The following PLCG2 variants were observed in gnomAD, a reference collection of about 807,000 sequenced individuals.
PLCG2 encodes the protein 1-phosphatidylinositol 4,5-bisphosphate phosphodiesterase gamma-2.
PLCG2 carries 69 observed loss-of-function variants against 175.6 expected under a neutral mutation model. That is an observed-to-expected ratio of 0.39 (90% confidence interval 0.32 to 0.48). The LOEUF (loss-of-function observed/expected upper bound fraction) is 0.48, where lower values mean the gene tolerates loss of function less well. PLCG2 is among the 20% of genes least tolerant of loss of function. The pLI is 0.91. For synonymous variants in PLCG2, 827 were observed against 624.0 expected (o/e 1.33, Z -4.85); for missense variants, 1,798 against 1,650.9 (o/e 1.09, Z -1.54).
chr16:81,750,970 GCT>G (rs1491120343), intron 1 of PLCG2, among the ~76,000 whole-genome samples: 4 of 102,500 alleles, frequency 3.9e-5, no homozygotes, highest in Non-Finnish European at 7.5e-5. Context: ...ACCGCACCCA[GCT>G]TTTTTTTTTT....
chr16:81,779,579 C>T (rs1344748393), intron 1 of PLCG2, among the ~76,000 whole-genome samples, 155 bp downstream of exon 1: 1 of 151,942 alleles, frequency 6.6e-6, no homozygotes, highest in African/African-American at 2.4e-5. Context: ...CCCGGCCCGC[C>T]GTGCCCGGGG....
At chr16:81,839,827 G>C (rs1360010682) in intron 2 of PLCG2, among the ~76,000 whole-genome samples, 19 of 152,180 alleles carry the variant, frequency 1.2e-4, no homozygotes, top group Admixed American at 1.2e-3. Flanking sequence ...AAAATGGGAG[G>C]ATCACTTGAG....
chr16:81,849,639 C>T lies in PLCG2; in HGVS notation c.194-4805C>T, dbSNP rs139782584. On this transcript the variant is annotated intron_variant, in intron 2 of 32. Coordinates refer to ENST00000564138, the MANE Select transcript of PLCG2 (RefSeq NM_002661.5). The stretch of plus-strand genomic sequence containing the variant: ...CACACAAATTTTCCAGGTCTGGTGG[C>T]GGATGCCTGTAATCCCAGCTACTCG... Among the ~76,000 whole-genome samples, 59 of 151,984 alleles carry T rather than the reference C, an allele frequency of 3.9e-4. No individual in the cohort carries two copies. The East Asian group carries it at 8.6e-3, about 22-fold the overall frequency.
intron 31 of PLCG2, 131 bp downstream of exon 31, chr16:81,946,394 A>G (rs1911151300): frequency 1.5e-6 from 1 of 675,322 alleles, no homozygotes; most frequent in Non-Finnish European, 2.7e-6. Flanking sequence ...ATGAGACATC[A>G]TACAAGAATT....
chr16:81,861,874 A>G (rs1906998166), intron 5 of PLCG2, among the ~76,000 whole-genome samples: 1 of 152,156 alleles, frequency 6.6e-6, no homozygotes, highest in Non-Finnish European at 1.5e-5. Flanking sequence ...TCCTGCATAG[A>G]GATCCATCTT....
chr16:81,782,529 G>C (rs1910785649), intron 1 of PLCG2, among the ~76,000 whole-genome samples: 1 of 152,218 alleles, frequency 6.6e-6, no homozygotes, highest in Non-Finnish European at 1.5e-5. Context: ...GACCTGAGCT[G>C]GGTGCTGGCA....
At chr16:81,797,049 CAT>C (rs1242873378) in intron 2 of PLCG2, among the ~76,000 whole-genome samples, 1 of 152,170 alleles carries the variant, frequency 6.6e-6, no homozygotes, top group Non-Finnish European at 1.5e-5. Flanking sequence ...TTCCACGTGT[CAT>C]GTTATTTTCT....
At chr16:81,876,136 C>A (rs947353836) in intron 7 of PLCG2, among the ~76,000 whole-genome samples, 1 of 149,948 alleles carries the variant, frequency 6.7e-6, no homozygotes, top group Non-Finnish European at 1.5e-5. Flanking sequence ...GATGATTCTC[C>A]CACCTCAGCC....
chr16:81,919,531 A>T lies in PLCG2; in HGVS notation c.2102A>T (p.His701Leu). ...KHCRINRDGR[H>L]FVLGTSAYFE... is the part of the protein sequence containing the mutation. ...TGTCGCATCAACCGGGACGGCCGGC[A>T]CTTTGTGCTGGGGACCTCCGCCTAT... Residue 701 changes from histidine to leucine, a missense_variant, in exon 20 of 33, where the codon CAC becomes CTC. Physicochemically the swap from His to Leu is moderately conservative, Grantham distance 99. Coordinates refer to ENST00000564138, the MANE Select transcript of PLCG2 (RefSeq NM_002661.5). 1 of 1,614,120 alleles carries T rather than the reference A, an allele frequency of 6.2e-7. No homozygotes were observed. The highest frequency in any genetic ancestry group is 8.5e-7 in the Non-Finnish European group (1 of 1,180,026).
At chr16:81,940,459 G>GGC (rs1555522914) in intron 30 of PLCG2, among the ~76,000 whole-genome samples, 3 of 151,770 alleles carry the variant, frequency 2.0e-5, no homozygotes. Context: ...TGGCATCTTG[G>GGC]GGGGGGAGTA....
intron 7 of PLCG2, among the ~76,000 whole-genome samples, chr16:81,878,140 G>A (rs556260023): frequency 1.9e-4 from 29 of 151,568 alleles, no homozygotes; most frequent in African/African-American, 5.6e-4. Flanking sequence ...CCACCACCAC[G>A]CCTGGCTAAT....
chr16:81,815,662 A>T (rs1005863800), intron 2 of PLCG2, among the ~76,000 whole-genome samples: 2 of 152,094 alleles, frequency 1.3e-5, no homozygotes, highest in African/African-American at 2.4e-5. Context: ...GAGCATGGGA[A>T]AATCCTGCCT....
intron 1 of PLCG2, among the ~76,000 whole-genome samples, chr16:81,785,424 C>G (rs1329314793): frequency 6.6e-6 from 1 of 152,048 alleles, no homozygotes; most frequent in African/African-American, 2.4e-5. Flanking sequence ...ATCCTCATTT[C>G]TATGCAGAGG....
chr16:81,763,412 G>C (rs1910080377), intron 2 of PLCG2, among the ~76,000 whole-genome samples: 2 of 152,250 alleles, frequency 1.3e-5, no homozygotes, highest in Non-Finnish European at 2.9e-5. Context: ...AAGGTCTCTT[G>C]TCCAGCTGCA....
intron 2 of PLCG2, among the ~76,000 whole-genome samples, chr16:81,847,278 G>A (rs563500717): frequency 5.9e-5 from 9 of 152,276 alleles, no homozygotes; most frequent in East Asian, 3.9e-4. Context: ...CATGCCACCC[G>A]CCAGAAACTT....
At chr16:81,781,307 C>G (rs1459846530) in intron 1 of PLCG2, among the ~76,000 whole-genome samples, 1 of 152,152 alleles carries the variant, frequency 6.6e-6, no homozygotes, top group Non-Finnish European at 1.5e-5. Flanking sequence ...GATCAAATTG[C>G]TTATCTATCA....
rs570969679 is a variant in PLCG2 at position 81,826,233 on chromosome 16, G to A, written c.194-28211G>A. 3.9e-5 allele frequency among the ~76,000 whole-genome samples: 6 copies of A among 152,322 alleles called. No individual in the cohort carries two copies. In the South Asian group the frequency reaches 1.0e-3, roughly 26 times the overall value. ...ATTTCTGGCATCATGTCCACCTCCTGGTTCTTGGGGTTCATCACTGTTTGG... is the reference window on the plus strand; with the variant it reads ...ATTTCTGGCATCATGTCCACCTCCTAGTTCTTGGGGTTCATCACTGTTTGG... On this transcript the variant is annotated intron_variant, in intron 2 of 32. Transcript: ENST00000564138.
chr16:81,858,119 A>C (rs1225289683), intron 3 of PLCG2, 144 bp from the exon 4 acceptor site: 4 of 598,332 alleles, frequency 6.7e-6, no homozygotes, highest in Non-Finnish European at 1.2e-5. Flanking sequence ...GACGGTGTGA[A>C]AGGGGATGCT....
intron 32 of PLCG2, 65 bp downstream of exon 32, chr16:81,956,944 C>A: frequency 7.2e-7 from 1 of 1,382,788 alleles, no homozygotes; most frequent in Non-Finnish European, 1.0e-6. Context: ...TGATGGGCAC[C>A]ACGGGCCAGG....
Sources: allele counts gnomAD v4.1 joint callset (sites outside exome capture counted in the v4.1 genomes callset), GRCh38; gene constraint gnomAD v4.1.1; transcripts MANE v1.5; gene names NCBI Gene and HGNC (gene_info 2026-07-23, HGNC 2026-07-21).